Variants in ZBTB7C observed in about 807,000 individuals in gnomAD.
ZBTB7C encodes the protein zinc finger and BTB domain-containing protein 7C.
A neutral mutation model predicts 25.7 loss-of-function variants in ZBTB7C; 8 were observed. The observed-to-expected ratio is 0.31, with a 90% CI of 0.18 to 0.56. ZBTB7C has a LOEUF of 0.56. ZBTB7C is among the 20% of genes least tolerant of loss of function. The pLI is 0.91. For synonymous variants in ZBTB7C, 394 were observed against 369.0 expected (o/e 1.07, Z -0.78); for missense variants, 824 against 855.2 (o/e 0.96, Z 0.46).
At chr18:48,129,770 C>T (rs2039930082) in intron 3 of ZBTB7C, among the ~76,000 whole-genome samples, 1 of 152,194 alleles carries the variant, frequency 6.6e-6, no homozygotes, top group Non-Finnish European at 1.5e-5. Flanking sequence ...CTCCTCCACC[C>T]CACCTCCCCA....
chr18:48,060,076 G>A (rs1228427916), intron 3 of ZBTB7C, among the ~76,000 whole-genome samples: 1 of 152,058 alleles, frequency 6.6e-6, no homozygotes, highest in Non-Finnish European at 1.5e-5. Flanking sequence ...TCGGCCGGGT[G>A]GGTGGAGGTG....
intron 2 of ZBTB7C, among the ~76,000 whole-genome samples, chr18:48,314,547 G>T (rs1243415910): frequency 6.6e-6 from 1 of 152,202 alleles, no homozygotes; most frequent in African/African-American, 2.4e-5. Context: ...AGACAAAAGG[G>T]TGGGGTCACT....
chr18:48,182,594 G>A (rs2041956645), intron 3 of ZBTB7C, among the ~76,000 whole-genome samples: 1 of 152,046 alleles, frequency 6.6e-6, no homozygotes, highest in South Asian at 2.1e-4. Context: ...CTGTGCTGAC[G>A]GATGACCTAG....
At chr18:48,354,291 C>T (rs1194506517) in intron 1 of ZBTB7C, among the ~76,000 whole-genome samples, 2 of 152,164 alleles carry the variant, frequency 1.3e-5, no homozygotes, top group Admixed American at 1.3e-4. Context: ...TCCAGAGTAG[C>T]TGGGATGACA....
chr18:48,270,336 C>T (rs140405453), intron 2 of ZBTB7C, among the ~76,000 whole-genome samples: 2,147 of 143,674 alleles, frequency 0.015, 62 homozygotes, highest in African/African-American at 0.052. Context: ...CAGCTCACTG[C>T]AACCTCTGCC....
chr18:48,169,227 T>C (rs1045178870), intron 3 of ZBTB7C, among the ~76,000 whole-genome samples: 19 of 152,218 alleles, frequency 1.2e-4, no homozygotes, highest in African/African-American at 4.6e-4. Flanking sequence ...GCATCCTGGG[T>C]TCCTCTTCCA....
intron 4 of ZBTB7C, among the ~76,000 whole-genome samples, chr18:48,038,235 G>A (rs1197996185): frequency 6.6e-6 from 1 of 152,132 alleles, no homozygotes; most frequent in East Asian, 1.9e-4. Context: ...TCACTGCTAA[G>A]GGCAAGGGAA....
intron 3 of ZBTB7C, among the ~76,000 whole-genome samples, chr18:48,042,247 C>T (rs2036280144): frequency 6.6e-6 from 1 of 152,158 alleles, no homozygotes. Flanking sequence ...AAACAAACAC[C>T]ATGGCTTCAG....
intron 1 of ZBTB7C, among the ~76,000 whole-genome samples, chr18:48,383,337 C>T (rs1302473617): frequency 1.3e-5 from 2 of 152,188 alleles, no homozygotes; most frequent in South Asian, 2.1e-4. Context: ...GCGAACTCGG[C>T]TCACTGCAGC....
At chr18:48,210,560 C>T (rs1260220471) in intron 2 of ZBTB7C, among the ~76,000 whole-genome samples, 3 of 152,114 alleles carry the variant, frequency 2.0e-5, no homozygotes, top group Admixed American at 2.0e-4. Flanking sequence ...AAGCCAGCCA[C>T]AAAAGATCAC....
chr18:48,185,712 C>T (rs1056048392), intron 3 of ZBTB7C, among the ~76,000 whole-genome samples: 1 of 152,120 alleles, frequency 6.6e-6, no homozygotes, highest in African/African-American at 2.4e-5. Flanking sequence ...CCAGTGGGAA[C>T]ATTCTCCACT....
chr18:48,204,528 A>G (rs1042269476), intron 2 of ZBTB7C, among the ~76,000 whole-genome samples: 2 of 152,190 alleles, frequency 1.3e-5, no homozygotes, highest in African/African-American at 4.8e-5. Flanking sequence ...CCTTGCTGAT[A>G]GAGCCGGAAC....
intron 3 of ZBTB7C, among the ~76,000 whole-genome samples, chr18:48,044,510 T>C (rs1007406536): frequency 6.6e-6 from 1 of 152,238 alleles, no homozygotes; most frequent in Non-Finnish European, 1.5e-5. Context: ...AAGGCTGCCT[T>C]TGGGCAGCTG....
Position 48,040,981 on chromosome 18 carries a change from G to C in ZBTB7C, c.127C>G (p.Gln43Glu). The C allele has an allele frequency of 6.2e-7, 1 of 1,614,148 alleles. No individual in the cohort carries two copies. The highest frequency in any genetic ancestry group is 8.5e-7 in the Non-Finnish European group (1 of 1,180,018). ...LCDVLLVVQE[Q>E]EYRTHRSVLA... ...ACGGAGCGGTGGGTCCGATACTCCT[G>C]CTCCTGCACCACCAGGAGCACGTCA... Residue 43 changes from glutamine to glutamate, a missense_variant, in exon 4 of 5, where the codon CAG (glutamine) becomes GAG (glutamate). Gln to Glu is a conservative substitution (Grantham distance 29). Transcript: ENST00000590800.
At chr18:48,204,859 G>A (rs945331741) in intron 2 of ZBTB7C, among the ~76,000 whole-genome samples, 10 of 152,136 alleles carry the variant, frequency 6.6e-5, no homozygotes, top group African/African-American at 2.4e-4. Context: ...GAGAGAAAGT[G>A]TGTACATTTA....
At chr18:48,173,524 C>T (rs148687778) in intron 3 of ZBTB7C, among the ~76,000 whole-genome samples, 1 of 152,212 alleles carries the variant, frequency 6.6e-6, no homozygotes, top group Non-Finnish European at 1.5e-5. Context: ...ATACGTCCCC[C>T]CTTCCCATCC....
rs551696178 is a variant in ZBTB7C at position 48,032,527 on chromosome 18, C to T, written c.1209-2616G>A. ...TTGGCTCACTGCAAGCTCCGCATCCCGGGTTCACACAATTCTCCTGCCTCA... is the reference window on the plus strand; with the variant it reads ...TTGGCTCACTGCAAGCTCCGCATCCTGGGTTCACACAATTCTCCTGCCTCA... On this transcript the variant is annotated intron_variant, in intron 4 of 4. Transcript: ENST00000590800. 4.1e-4 allele frequency among the ~76,000 whole-genome samples: 60 copies of T among 147,410 alleles called. 1 individual carries two copies. The highest frequency in any genetic ancestry group is 1.4e-3 in the African/African-American group (54 of 39,174).
chr18:48,122,580 G>A, intron 3 of ZBTB7C, among the ~76,000 whole-genome samples: 1 of 152,190 alleles, frequency 6.6e-6, no homozygotes, highest in East Asian at 1.9e-4. Context: ...TGAGGCTGGT[G>A]AGGGCTGGGA....
rs537948796 is a variant in ZBTB7C, at chr18:48,154,944, ACT to A, written c.-17+30988_-17+30989del. 1.5e-3 allele frequency among the ~76,000 whole-genome samples: 221 copies of A among 152,262 alleles called. 4 individuals carry two copies. The highest frequency in any genetic ancestry group is 0.014 in the Admixed American group (214 of 15,292). ...GTCTGCATAATAGGAACCCAGAGAA[ACT>A]CTCACCAGCAATGCCAATCCTCACC... is the stretch of plus-strand genomic sequence containing the variant. On this transcript the variant is annotated intron_variant, in intron 3 of 4. Transcript: ENST00000590800.
Sources: allele counts gnomAD v4.1 joint callset (sites outside exome capture counted in the v4.1 genomes callset), GRCh38; gene constraint gnomAD v4.1.1; transcripts MANE v1.5; gene names NCBI Gene and HGNC (gene_info 2026-07-23, HGNC 2026-07-21).